Variants in ST6GALNAC3 observed in about 807,000 individuals in gnomAD.
The protein encoded by ST6GALNAC3 is ST6 N-acetylgalactosaminide alpha-2,6-sialyltransferase 3.
Under a neutral mutation model 32.7 loss-of-function variants are expected in ST6GALNAC3, and 25 were observed. The observed-to-expected ratio is 0.76, with a 90% CI of 0.56 to 1.07. The LOEUF is 1.07. ST6GALNAC3 is among the 50% of genes least tolerant of loss of function. The pLI is 0.00. For missense variants in ST6GALNAC3, 355 were observed against 382.4 expected (o/e 0.93, Z 0.60); for synonymous variants, 129 against 133.1 (o/e 0.97, Z 0.21).
intron 2 of ST6GALNAC3, among the ~76,000 whole-genome samples, chr1:76,409,369 TTA>T (rs1336229902): frequency 1.3e-5 from 2 of 152,128 alleles, no homozygotes; most frequent in South Asian, 2.1e-4. Context: ...TTCAAAAGTT[TTA>T]TCTTTGACAT....
chr1:76,092,598 G>A (rs1389393324), intron 1 of ST6GALNAC3, among the ~76,000 whole-genome samples: 1 of 152,196 alleles, frequency 6.6e-6, no homozygotes, highest in African/African-American at 2.4e-5. Flanking sequence ...ATGCAGGGAT[G>A]GCTTCGTGGC....
At chr1:76,323,330 G>C (rs989924897) in intron 2 of ST6GALNAC3, among the ~76,000 whole-genome samples, 26 of 152,190 alleles carry the variant, frequency 1.7e-4, no homozygotes, top group African/African-American at 5.8e-4. Flanking sequence ...TTAAATGACA[G>C]TCACTGTGTT....
chr1:76,469,767 A>T (rs1658895650), intron 3 of ST6GALNAC3, among the ~76,000 whole-genome samples: 1 of 152,116 alleles, frequency 6.6e-6, no homozygotes, highest in African/African-American at 2.4e-5. Context: ...ACCAGTTTGT[A>T]GTAAACTTCT....
rs1649362682 is a variant in ST6GALNAC3, at chr1:76,632,779, A to G, written c.*3973A>G. The G allele has an allele frequency of 6.6e-6, 1 of 151,966 alleles. No homozygotes were observed. Among genetic ancestry groups the G allele is most frequent in the East Asian group, 1.9e-4 (1 of 5,192 alleles). The allele number at this position is 151,966 out of a possible 1,614,324, so 9.4% of individuals were successfully genotyped here. On this transcript the variant is annotated 3_prime_UTR_variant, in exon 5 of 5. Coordinates refer to ENST00000328299, the MANE Select transcript of ST6GALNAC3 (RefSeq NM_152996.4). Reference sequence around the variant, plus strand: ...GTTTAATTTCAATAAGCAAGAAAATATAATCAGATGACTGATTTAAAAAAA... The same window carrying G: ...GTTTAATTTCAATAAGCAAGAAAATGTAATCAGATGACTGATTTAAAAAAA...
intron 3 of ST6GALNAC3, among the ~76,000 whole-genome samples, chr1:76,618,197 T>C (rs918277600): frequency 5.3e-5 from 8 of 152,172 alleles, no homozygotes; most frequent in African/African-American, 1.9e-4. Flanking sequence ...TGGGAAGAAG[T>C]GATATGTTCA....
At position 76,513,345 on chromosome 1, in the gene ST6GALNAC3, C is replaced by T. The variant is rs545384543; in HGVS notation, c.623+100928C>T. 1.1e-4 allele frequency among the ~76,000 whole-genome samples: 16 copies of T among 152,210 alleles called. No individual in the cohort carries two copies. The South Asian group carries it at 2.9e-3, about 28-fold the overall frequency. On this transcript the variant is annotated intron_variant, in intron 3 of 4. Transcript: ENST00000328299. ...AAGGGTCTAGACTCATTCTTCTGCT[C>T]GTGGATATCCTATTTTTCCAGCACT... is the stretch of plus-strand genomic sequence containing the variant.
At chr1:76,531,912 G>A (rs1223746466) in intron 3 of ST6GALNAC3, among the ~76,000 whole-genome samples, 3 of 152,098 alleles carry the variant, frequency 2.0e-5, no homozygotes, top group African/African-American at 4.8e-5. Flanking sequence ...TGGGGCATGT[G>A]GAAAGTGAAG....
intron 1 of ST6GALNAC3, among the ~76,000 whole-genome samples, chr1:76,084,978 T>C (rs1432523848): frequency 6.6e-6 from 1 of 152,200 alleles, no homozygotes; most frequent in African/African-American, 2.4e-5. Flanking sequence ...GCTTGACAAC[T>C]TTACCAGCAT....
At chr1:76,395,871 A>G (rs4288644) in intron 2 of ST6GALNAC3, among the ~76,000 whole-genome samples, 144,803 of 152,248 alleles carry the variant, frequency 0.95, 68,957 homozygotes, top group East Asian at 1. Flanking sequence ...CAAATACACC[A>G]TTAGAAGGAA....
At chr1:76,257,522 A>C (rs1410464625) in intron 1 of ST6GALNAC3, among the ~76,000 whole-genome samples, 1 of 152,102 alleles carries the variant, frequency 6.6e-6, no homozygotes, top group Non-Finnish European at 1.5e-5. Context: ...AAAAGCACTA[A>C]GTTTGGGCAG....
chr1:76,625,757 G>A (rs762537384), intron 3 of ST6GALNAC3, among the ~76,000 whole-genome samples: 13 of 151,866 alleles, frequency 8.6e-5, no homozygotes, highest in African/African-American at 2.9e-4. Context: ...CCTGAGATAC[G>A]TCTTCCCATT....
intron 2 of ST6GALNAC3, among the ~76,000 whole-genome samples, chr1:76,381,134 G>C (rs886828492): frequency 7.3e-6 from 1 of 137,736 alleles, no homozygotes; most frequent in Non-Finnish European, 1.5e-5. Context: ...TTGGGGATCT[G>C]CACAAGATAT....
At position 76,627,458 on chromosome 1, in the gene ST6GALNAC3, G is replaced by T. The variant is rs1407922024; in HGVS notation, c.630G>T (p.Gln210His). Residue 210 changes from glutamine to histidine, a missense_variant, in exon 4 of 5, where the codon CAG (glutamine) becomes CAT (histidine). By Grantham distance (24) the Gln-to-His change is conservative. Coordinates refer to ENST00000328299, the MANE Select transcript of ST6GALNAC3 (RefSeq NM_152996.4). ...FKKETGKDRV[Q>H]SGSYLSTGWF... ...TTGTTTTCATTTCCCTCAGAGTCCA[G>T]TCTGGCTCATATCTCAGCACAGGGT... The T allele has an allele frequency of 1.2e-6, 2 of 1,609,368 alleles. No individual in the cohort carries two copies. The highest frequency in any genetic ancestry group is 1.7e-6 in the Non-Finnish European group (2 of 1,176,178).
intron 1 of ST6GALNAC3, among the ~76,000 whole-genome samples, chr1:76,195,910 C>T (rs1243314410): frequency 6.6e-6 from 1 of 152,156 alleles, no homozygotes; most frequent in African/African-American, 2.4e-5. Flanking sequence ...AAGCCATTAA[C>T]TGAGGTTGGT....
intron 1 of ST6GALNAC3, among the ~76,000 whole-genome samples, chr1:76,239,003 G>C (rs576507758): frequency 1.4e-5 from 2 of 142,912 alleles, no homozygotes; most frequent in East Asian, 4.1e-4. Context: ...TAAGATAGAA[G>C]TGAGCACAAA....
At chr1:76,212,169 T>C (rs1484066352) in intron 1 of ST6GALNAC3, among the ~76,000 whole-genome samples, 1 of 152,164 alleles carries the variant, frequency 6.6e-6, no homozygotes, top group African/African-American at 2.4e-5. Context: ...ATTTCCATCC[T>C]CAGAAAAACA....
chr1:76,114,340 A>G (rs1648308796), intron 1 of ST6GALNAC3, among the ~76,000 whole-genome samples: 1 of 152,144 alleles, frequency 6.6e-6, no homozygotes, highest in Admixed American at 6.5e-5. Context: ...TTGCATTTAT[A>G]AAGATTGAAA....
chr1:76,549,216 G>A (rs1309428102), intron 3 of ST6GALNAC3, among the ~76,000 whole-genome samples: 1 of 152,138 alleles, frequency 6.6e-6, no homozygotes, highest in Non-Finnish European at 1.5e-5. Context: ...CTTGAGGTCT[G>A]TTGATACTGT....
chr1:76,576,262 GTTC>G, intron 3 of ST6GALNAC3, among the ~76,000 whole-genome samples: 1 of 152,142 alleles, frequency 6.6e-6, no homozygotes, highest in East Asian at 1.9e-4. Flanking sequence ...TAGTGTTTTT[GTTC>G]TTAACAGAGA....
Sources: gnomAD v4.1 joint callset for allele counts (sites outside exome capture counted in the v4.1 genomes callset) on GRCh38, gnomAD v4.1.1 for gene constraint, MANE v1.5 for transcripts, NCBI Gene and HGNC (gene_info 2026-07-23, HGNC 2026-07-21) for gene names.